CSF1R: variants seen among roughly 807,000 people sequenced by gnomAD.
CSF1R encodes colony stimulating factor 1 receptor, also known as macrophage colony-stimulating factor 1 receptor.
CSF1R carries 40 observed loss-of-function variants against 110.0 expected under a neutral mutation model. That is an observed-to-expected ratio of 0.36 (90% CI 0.28 to 0.47). The LOEUF is 0.47. Ranked by LOEUF, CSF1R falls within the 20% of genes least tolerant of loss-of-function variation. The probability of loss-of-function intolerance (pLI) is 0.99; values close to 1 mark genes in which losing one functional copy is unlikely to be tolerated. For synonymous variants in CSF1R, 523 were observed against 503.4 expected, an observed-to-expected ratio of 1.04 and a Z score of -0.52; for missense variants, 1,052 against 1,253.0, an observed-to-expected ratio of 0.84 and a Z score of 2.42.
At chr5:150,066,489 A>G (rs893457031) in intron 10 of CSF1R, among the ~76,000 whole-genome samples, 28 of 152,204 alleles carry the variant, frequency 1.8e-4, no homozygotes, top group African/African-American at 6.5e-4. Context: ...GAGAACACCC[A>G]GACCCATGGT....
intron 1 of CSF1R, chr5:150,094,521 A>T (rs1200328622): frequency 1.1e-5 from 18 of 1,599,978 alleles, no homozygotes; most frequent in Non-Finnish European, 1.4e-5. Flanking sequence ...AATGGCGAGG[A>T]TGGCAAGAAA....
At chr5:150,103,652 C>T (rs1202501229) in intron 1 of CSF1R, among the ~76,000 whole-genome samples, 1 of 152,190 alleles carries the variant, frequency 6.6e-6, no homozygotes, top group Non-Finnish European at 1.5e-5. Flanking sequence ...GTCTGTGAGG[C>T]CTTCCAGAGC....
At chr5:150,095,111 GGAAAAAAAAAAAAAAAAAAAAAGAACA>G (rs1759180992) in intron 1 of CSF1R, 1 of 218,758 alleles carries the variant, frequency 4.6e-6, no homozygotes, top group Non-Finnish European at 7.4e-6. Flanking sequence ...CTCTCAAATT[GGAAAAAAAAAAAAAAAAAAAAAGAACA>G]GAGCTTCAAA....
upstream of CSF1R, among the ~76,000 whole-genome samples, chr5:150,087,555 C>G (rs79518669): frequency 1.1e-3 from 174 of 152,194 alleles, no homozygotes; most frequent in African/African-American, 4.1e-3. Context: ...ATCTTTTGTG[C>G]GTTACTTACA....
intron 12 of CSF1R, 52 bp downstream of exon 12, chr5:150,061,439 C>G: frequency 1.1e-6 from 1 of 881,298 alleles, no homozygotes; most frequent in Non-Finnish European, 1.7e-6. Flanking sequence ...GCCAGCCCAC[C>G]CCCAGCATCT....
At chr5:150,112,064 C>T (rs10053674) in intron 1 of CSF1R, among the ~76,000 whole-genome samples, 4,011 of 152,232 alleles carry the variant, frequency 0.026, 175 homozygotes, top group African/African-American at 0.091. Flanking sequence ...TGTAGCTCTA[C>T]GTTAACCTTT....
At chr5:150,065,531 C>T (rs761065132) in intron 10 of CSF1R, among the ~76,000 whole-genome samples, 10 of 152,238 alleles carry the variant, frequency 6.6e-5, no homozygotes, top group Non-Finnish European at 1.3e-4. Flanking sequence ...AGACAGGCCA[C>T]TTCTTTCCCC....
Position 150,054,413 on chromosome 5 carries a change from G to A in CSF1R, c.2672C>T (p.Ala891Val). 6.2e-7 allele frequency: 1 copy of A among 1,613,268 alleles called. No individual in the cohort carries two copies. The highest frequency in any genetic ancestry group is 1.3e-5 in the African/African-American group (1 of 75,034). Residue 891 changes from alanine (A) to valine (V), a missense_variant, in exon 20 of 21, where the codon GCC (alanine) becomes GTC (valine). Physicochemically the swap from Ala to Val is moderately conservative, Grantham distance 64 (BLOSUM62 0). Transcript: ENST00000675795. ...APKNIYSIMQ[A>V]CWALEPTHRP... is the part of the protein sequence containing the mutation. ...GTGGGTGGGCTCCAAGGCCCAGCAG[G>A]CCTGCATGATGCTGTATCTGGGAGA...
intron 1 of CSF1R, among the ~76,000 whole-genome samples, chr5:150,110,174 G>A (rs1189159578): frequency 3.3e-5 from 5 of 152,086 alleles, no homozygotes; most frequent in Admixed American, 6.6e-5. Flanking sequence ...TACTCACCCC[G>A]GCACTCCAGC....
At chr5:150,112,493 T>A (rs6579774) in intron 1 of CSF1R, among the ~76,000 whole-genome samples, 16,220 of 152,214 alleles carry the variant, frequency 0.11, 1,287 homozygotes, top group East Asian at 0.25. Context: ...CAAGTTCCCA[T>A]AAGGAGCAGG....
At chr5:150,100,198 T>C (rs1228769773) in intron 1 of CSF1R, among the ~76,000 whole-genome samples, 1 of 150,826 alleles carries the variant, frequency 6.6e-6, no homozygotes, top group Non-Finnish European at 1.5e-5. Flanking sequence ...AATTCCTAGA[T>C]ATGGATCATA....
At chr5:150,064,054 G>C (rs1372581697) in intron 10 of CSF1R, among the ~76,000 whole-genome samples, 4 of 152,188 alleles carry the variant, frequency 2.6e-5, no homozygotes, top group Non-Finnish European at 5.9e-5. Flanking sequence ...CACCGAAACA[G>C]AAAACCTACA....
At chr5:150,077,993 T>C in intron 4 of CSF1R, 119 bp downstream of exon 4, 7 of 1,322,274 alleles carry the variant, frequency 5.3e-6, no homozygotes, top group South Asian at 1.3e-5. Context: ...CTCTGGAGTC[T>C]GAGCTGTGCC....
chr5:150,068,990 C>G (rs762626740), intron 9 of CSF1R, among the ~76,000 whole-genome samples: 1 of 152,160 alleles, frequency 6.6e-6, no homozygotes, highest in African/African-American at 2.4e-5. Context: ...TATTTATTTC[C>G]TAGGTTTGTA....
rs1758508093 is a variant in CSF1R, at chr5:150,080,877, C to T, written c.197G>A (p.Ser66Asn). The change falls in exon 2 of 21, where the codon AGC becomes AAC. Residue 66 changes from serine (S) to asparagine (N), a missense_variant. Transcript: ENST00000675795. ...PHWTLYSDGS[S>N]SILSTNNATF... ...AGCGTTGTTGGTGCTGAGGATGCTG[C>T]TGGAGCCATCAGAGTACAGGGTCCA... The T allele has an allele frequency of 1.9e-6, 3 of 1,614,184 alleles. No individual in the cohort carries two copies. The highest frequency in any genetic ancestry group is 2.5e-6 in the Non-Finnish European group (3 of 1,180,028).
chr5:150,107,442 C>T (rs906191517), intron 1 of CSF1R, among the ~76,000 whole-genome samples: 2 of 152,250 alleles, frequency 1.3e-5, no homozygotes, highest in Admixed American at 1.3e-4. Flanking sequence ...ACTCTTCATG[C>T]CAGTCTCTGG....
At chr5:150,061,001 CAG>C (rs776366031) in intron 12 of CSF1R, 29 bp from the exon 13 acceptor site, 1 of 1,506,714 alleles carries the variant, frequency 6.6e-7, no homozygotes, top group Non-Finnish European at 9.1e-7. Context: ...GTCCCAAAGA[CAG>C]GGAGAGGGCA....
intron 18 of CSF1R, 98 bp downstream of exon 18, chr5:150,055,928 C>T (rs1483041844): frequency 5.4e-6 from 6 of 1,106,020 alleles, no homozygotes; most frequent in Middle Eastern, 2.3e-4. Context: ...CTCTCACCAA[C>T]CCTCGCTGTG....
At chr5:150,083,698 A>G (rs1435604597) in intron 1 of CSF1R, among the ~76,000 whole-genome samples, 1 of 152,158 alleles carries the variant, frequency 6.6e-6, no homozygotes, top group Non-Finnish European at 1.5e-5. Context: ...AAAAGGAAAA[A>G]TCAAGCTGGA....
Sources: gnomAD v4.1 joint callset for allele counts (sites outside exome capture counted in the v4.1 genomes callset) on GRCh38, gnomAD v4.1.1 for gene constraint, MANE v1.5 for transcripts, NCBI Gene and HGNC (gene_info 2026-07-23, HGNC 2026-07-21) for gene names.